Variants in RASGRF2 observed in about 807,000 individuals in gnomAD.
The protein encoded by RASGRF2 is ras-specific guanine nucleotide-releasing factor 2.
A neutral mutation model predicts 151.0 loss-of-function variants in RASGRF2; 76 were observed. The ratio of observed to expected loss-of-function variants is 0.50; its 90% CI spans 0.42 to 0.61. RASGRF2 has a LOEUF of 0.61. Among genes scored for constraint, RASGRF2 ranks in the 20% least tolerant of loss-of-function variants. The pLI is 0.00. For synonymous variants in RASGRF2, 504 were observed against 566.5 expected (o/e 0.89, Z 1.57); for missense variants, 1,148 against 1,564.6 (o/e 0.73, Z 4.49).
At chr5:81,061,144 C>T (rs184816042) in intron 2 of RASGRF2, among the ~76,000 whole-genome samples, 3 of 151,666 alleles carry the variant, frequency 2.0e-5, no homozygotes, top group Non-Finnish European at 2.9e-5. Context: ...TGTTATCATT[C>T]CATTATGAAG....
At chr5:81,032,184 G>A (rs1432666282) in intron 1 of RASGRF2, among the ~76,000 whole-genome samples, 1 of 152,092 alleles carries the variant, frequency 6.6e-6, no homozygotes, top group East Asian at 1.9e-4. Flanking sequence ...AAAAGTCCAG[G>A]ACCAGACAGA....
chr5:81,060,058 A>T (rs1377018222), intron 2 of RASGRF2, among the ~76,000 whole-genome samples: 1 of 152,174 alleles, frequency 6.6e-6, no homozygotes, highest in Non-Finnish European at 1.5e-5. Context: ...GAGAGAGAAG[A>T]TGCCACACAT....
intron 18 of RASGRF2, among the ~76,000 whole-genome samples, chr5:81,181,375 A>G (rs1199674198): frequency 6.6e-6 from 1 of 152,216 alleles, no homozygotes; most frequent in Admixed American, 6.5e-5. Flanking sequence ...AGCCCATAGA[A>G]GTTCTTAAAT....
At chr5:81,188,082 G>A (rs1328489034) in intron 18 of RASGRF2, among the ~76,000 whole-genome samples, 1 of 152,066 alleles carries the variant, frequency 6.6e-6, no homozygotes, top group Non-Finnish European at 1.5e-5. Context: ...GACGTTCCTG[G>A]CCTGCTGCTG....
At chr5:80,995,684 T>TTCCCCCCC (rs759339620) in intron 1 of RASGRF2, among the ~76,000 whole-genome samples, 1 of 69,458 alleles carries the variant, frequency 1.4e-5, no homozygotes, top group Non-Finnish European at 2.8e-5. Flanking sequence ...TTCCTTTCCT[T>TTCCCCCCC]CCCCCCCCCT....
At chr5:81,055,911 T>C (rs572535236) in intron 2 of RASGRF2, among the ~76,000 whole-genome samples, 16 of 152,334 alleles carry the variant, frequency 1.1e-4, no homozygotes, top group African/African-American at 3.8e-4. Context: ...TTCTAGTTTA[T>C]TTTCGTAGAG....
At chr5:81,003,749 G>T (rs564106977) in intron 1 of RASGRF2, among the ~76,000 whole-genome samples, 1 of 152,282 alleles carries the variant, frequency 6.6e-6, no homozygotes, top group African/African-American at 2.4e-5. Context: ...TTACTTGCAG[G>T]TATCAAAATA....
Position 81,215,968 on chromosome 5 carries a change from T to A in RASGRF2, c.3434+13T>A, listed in dbSNP as rs1481785443. 1 of 1,499,030 alleles carries A rather than the reference T, an allele frequency of 6.7e-7. No homozygotes were observed. Among genetic ancestry groups the A allele is most frequent in the Non-Finnish European group, 8.8e-7 (1 of 1,132,590 alleles). The allele number at this position is 1,499,030 out of a possible 1,614,324, so 92.9% of individuals were successfully genotyped here. Reference sequence around the variant, plus strand: ...AAACCCTTAAAAAGTATGTCTATCTTAATTATTAAATTATTCATAATTCAG... The same window carrying A: ...AAACCCTTAAAAAGTATGTCTATCTAAATTATTAAATTATTCATAATTCAG... On this transcript the variant is annotated intron_variant, in intron 24 of 26. Coordinates refer to ENST00000265080, the MANE Select transcript of RASGRF2 (RefSeq NM_006909.3).
intron 2 of RASGRF2, among the ~76,000 whole-genome samples, chr5:81,045,878 A>G (rs757748734): frequency 7.2e-5 from 11 of 152,234 alleles, no homozygotes; most frequent in Non-Finnish European, 1.6e-4. Context: ...GAACAAAGCC[A>G]GAAAGTTAAT....
chr5:81,057,161 G>T (rs1278421611), intron 2 of RASGRF2, among the ~76,000 whole-genome samples: 1 of 152,176 alleles, frequency 6.6e-6, no homozygotes, highest in East Asian at 1.9e-4. Flanking sequence ...GTGTGAATTT[G>T]ATCCTGTCAT....
At chr5:81,125,494 A>G (rs897177127) in intron 16 of RASGRF2, among the ~76,000 whole-genome samples, 1 of 152,144 alleles carries the variant, frequency 6.6e-6, no homozygotes. Context: ...ACTACTATGG[A>G]ATTAGCCAGA....
intron 1 of RASGRF2, among the ~76,000 whole-genome samples, chr5:81,020,342 G>A (rs1414487730): frequency 6.6e-6 from 1 of 152,080 alleles, no homozygotes; most frequent in African/African-American, 2.4e-5. Flanking sequence ...TTTTCTTTGA[G>A]TAATTTACCT....
chr5:81,182,690 T>C (rs1754945712), intron 18 of RASGRF2, among the ~76,000 whole-genome samples: 1 of 152,168 alleles, frequency 6.6e-6, no homozygotes, highest in Non-Finnish European at 1.5e-5. Flanking sequence ...CGGGCCTCAT[T>C]GTGTGCATAC....
chr5:81,134,229 G>T (rs1024639544), intron 17 of RASGRF2, among the ~76,000 whole-genome samples: 31 of 152,150 alleles, frequency 2.0e-4, no homozygotes, highest in African/African-American at 7.5e-4. Context: ...GTAGAAGAAT[G>T]TGGTTAAAAC....
intron 12 of RASGRF2, among the ~76,000 whole-genome samples, chr5:81,099,684 C>A (rs114987475): frequency 0.039 from 6,003 of 152,228 alleles, 130 homozygotes; most frequent in Non-Finnish European, 0.057. Flanking sequence ...TTTTCTATTT[C>A]ATGGAAAAGT....
chr5:81,044,146 A>C (rs1207016345), intron 2 of RASGRF2, among the ~76,000 whole-genome samples: 1 of 152,188 alleles, frequency 6.6e-6, no homozygotes, highest in Non-Finnish European at 1.5e-5. Flanking sequence ...GGCTGGGCAC[A>C]GTGGCTCATG....
At chr5:81,207,498 C>CT in intron 21 of RASGRF2, 149 bp downstream of exon 21, 1 of 674,790 alleles carries the variant, frequency 1.5e-6, no homozygotes, top group Non-Finnish European at 2.5e-6. Flanking sequence ...AACTGGCACG[C>CT]CTCTGTGTCC....
chr5:80,987,892 G>A (rs1316394927), intron 1 of RASGRF2, among the ~76,000 whole-genome samples: 8 of 152,054 alleles, frequency 5.3e-5, no homozygotes, highest in Admixed American at 6.5e-5. Context: ...TATTTTCTTA[G>A]AAAGCTACTT....
intron 1 of RASGRF2, among the ~76,000 whole-genome samples, chr5:80,985,683 T>A (rs1748451571): frequency 1.3e-5 from 2 of 152,204 alleles, no homozygotes; most frequent in South Asian, 4.1e-4. Context: ...CGCCAGTGAC[T>A]TTCCCACTAA....
Sources: allele counts gnomAD v4.1 joint callset (sites outside exome capture counted in the v4.1 genomes callset), GRCh38; gene constraint gnomAD v4.1.1; transcripts MANE v1.5; gene names NCBI Gene and HGNC (gene_info 2026-07-23, HGNC 2026-07-21).